CNOT6: variants seen among roughly 807,000 people sequenced by gnomAD.
CNOT6 encodes CCR4-NOT transcription complex subunit 6.
CNOT6 carries 12 observed loss-of-function variants against 61.2 expected under a neutral mutation model. The ratio of observed to expected loss-of-function variants is 0.20; its 90% CI spans 0.13 to 0.32. The LOEUF (loss-of-function observed/expected upper bound fraction) is 0.32, where lower values mean the gene tolerates loss of function less well. Among genes scored for constraint, CNOT6 ranks in the 10% least tolerant of loss-of-function variants. The pLI, the probability that CNOT6 is intolerant of heterozygous loss-of-function variation, is 1.00. For missense variants in CNOT6, 405 were observed against 663.9 expected, an observed-to-expected ratio of 0.61 and a Z score of 4.28; for synonymous variants, 225 against 240.6, an observed-to-expected ratio of 0.94 and a Z score of 0.60.
At chr5:180,564,787 C>G (rs374036162) in intron 6 of CNOT6, 44 bp downstream of exon 6, 92 of 1,359,756 alleles carry the variant, frequency 6.8e-5, no homozygotes, top group Non-Finnish European at 9.4e-5. Flanking sequence ...TGCTCAGTCT[C>G]TATAAGCCTA....
At position 180,574,622 on chromosome 5, in the gene CNOT6, A is replaced by G. The variant is rs1442638566; in HGVS notation, c.*422A>G. On this transcript the variant is annotated 3_prime_UTR_variant, in exon 12 of 12. Coordinates refer to ENST00000261951, the MANE Select transcript of CNOT6 (RefSeq NM_001370472.1). Reference sequence around the variant, plus strand: ...TCCCTCCTTTTTCAGACTTGTTTGTAAAGTACAGAATCTGAATTTAGCCTT... The same window carrying G: ...TCCCTCCTTTTTCAGACTTGTTTGTGAAGTACAGAATCTGAATTTAGCCTT... 2 of 200,270 alleles carry G rather than the reference A, an allele frequency of 1.0e-5. No homozygotes were observed. The highest frequency in any genetic ancestry group is 4.7e-5 in the African/African-American group (2 of 42,602). The allele number at this position is 200,270 out of a possible 1,614,324, so 12.4% of individuals were successfully genotyped here.
rs769326279 is a variant in CNOT6, at chr5:180,567,966, A to G, written c.990A>G (p.Val330=). The change falls in exon 9 of 12, where the codon GTA becomes GTG. Residue 330 remains valine (V), a synonymous_variant. Transcript: ENST00000261951. ...VMTKDNIGVA[V]LLELRKESIE... ...CAAAAGATAACATTGGGGTTGCAGT[A>G]CTGCTAGAACTTCGGAAGGAATCGA... 1.4e-5 allele frequency: 22 copies of G among 1,611,152 alleles called. No homozygotes were observed. The highest frequency in any genetic ancestry group is 3.3e-4 in the Middle Eastern group (2 of 6,074).
chr5:180,569,996 C>T (rs768546366), intron 10 of CNOT6, among the ~76,000 whole-genome samples: 3 of 152,124 alleles, frequency 2.0e-5, no homozygotes, highest in African/African-American at 2.4e-5. Context: ...CGTGAATGTA[C>T]GCATGAACAC....
chr5:180,533,736 T>C (rs1293721300), intron 2 of CNOT6, among the ~76,000 whole-genome samples: 2 of 152,210 alleles, frequency 1.3e-5, no homozygotes, highest in Non-Finnish European at 2.9e-5. Flanking sequence ...CTTTAACTTA[T>C]TTATTTCATT....
chr5:180,542,600 G>A (rs1194682446), intron 2 of CNOT6, among the ~76,000 whole-genome samples: 1 of 152,096 alleles, frequency 6.6e-6, no homozygotes, highest in Non-Finnish European at 1.5e-5. Flanking sequence ...CAAATGCATA[G>A]TTATTTTGAT....
At chr5:180,531,189 G>T (rs1324185904) in intron 2 of CNOT6, among the ~76,000 whole-genome samples, 1 of 136,184 alleles carries the variant, frequency 7.3e-6, no homozygotes, top group African/African-American at 2.7e-5. Flanking sequence ...GCGGCTGGCC[G>T]GGGCGGCTGC....
chr5:180,516,843 C>T (rs1192696262), intron 1 of CNOT6, among the ~76,000 whole-genome samples: 2 of 152,164 alleles, frequency 1.3e-5, no homozygotes, highest in Non-Finnish European at 2.9e-5. Flanking sequence ...TGCAGAAAAT[C>T]CCACATTCTC....
intron 4 of CNOT6, among the ~76,000 whole-genome samples, chr5:180,559,915 T>G (rs1027308729): frequency 2.0e-5 from 3 of 152,162 alleles, no homozygotes; most frequent in Non-Finnish European, 4.4e-5. Context: ...CAGAATATTT[T>G]CTTTACATAA....
At chr5:180,528,304 T>G (rs531070959) in intron 1 of CNOT6, among the ~76,000 whole-genome samples, 1 of 151,850 alleles carries the variant, frequency 6.6e-6, no homozygotes, top group African/African-American at 2.4e-5. Flanking sequence ...GATTCTTTTA[T>G]TATTTATTTA....
chr5:180,528,862 G>A (rs1758216723), intron 1 of CNOT6, among the ~76,000 whole-genome samples: 1 of 152,028 alleles, frequency 6.6e-6, no homozygotes, highest in South Asian at 2.1e-4. Context: ...TCTGCAAGAA[G>A]CTCCTAGTTT....
At chr5:180,506,396 T>C (rs889950753) in intron 1 of CNOT6, among the ~76,000 whole-genome samples, 5 of 152,236 alleles carry the variant, frequency 3.3e-5, no homozygotes, top group Admixed American at 1.3e-4. Flanking sequence ...TCTTTCTTTA[T>C]GTAAAGATTA....
chr5:180,510,169 TAA>T (rs1757325751), intron 1 of CNOT6, among the ~76,000 whole-genome samples: 1 of 109,136 alleles, frequency 9.2e-6, no homozygotes, highest in Admixed American at 1.0e-4. Flanking sequence ...TTTTTTTTTT[TAA>T]GAGATGGTGT....
Position 180,571,306 on chromosome 5 carries a change from T to C in CNOT6, c.1335T>C (p.Ser445=). The change falls in exon 11 of 12, where the codon AGT becomes AGC. Residue 445 remains serine (S), a synonymous_variant. Transcript: ENST00000261951. The part of the protein sequence containing the change: ...KDFKELRYNE[S]LTNFSCHGKN... ...TTAAGGAGTTGAGGTATAATGAAAG[T>C]CTCACAAACTTCAGCTGTCATGGGA... The C allele has an allele frequency of 6.2e-7, 1 of 1,613,994 alleles. No homozygotes were observed. The highest frequency in any genetic ancestry group is 1.1e-5 in the South Asian group (1 of 91,080).
chr5:180,498,871 C>T (rs529484065), intron 1 of CNOT6, among the ~76,000 whole-genome samples: 1 of 152,304 alleles, frequency 6.6e-6, no homozygotes, highest in African/African-American at 2.4e-5. Flanking sequence ...CCCACTGCAA[C>T]CTCCGCCTCC....
intron 3 of CNOT6, among the ~76,000 whole-genome samples, chr5:180,550,758 G>T (rs555893106): frequency 1.3e-5 from 2 of 152,230 alleles, no homozygotes; most frequent in African/African-American, 4.8e-5. Context: ...CCTTAACACA[G>T]GGTCCAGGAA....
At chr5:180,543,498 A>T (rs1424558011) in intron 2 of CNOT6, among the ~76,000 whole-genome samples, 2 of 152,246 alleles carry the variant, frequency 1.3e-5, no homozygotes, top group African/African-American at 4.8e-5. Context: ...GGAATGTTAC[A>T]TGAATGAAAC....
chr5:180,504,343 G>A (rs1757029418), intron 1 of CNOT6, among the ~76,000 whole-genome samples: 1 of 152,102 alleles, frequency 6.6e-6, no homozygotes, highest in African/African-American at 2.4e-5. Flanking sequence ...TAGTTTTAAG[G>A]GGAAAAGACT....
At chr5:180,533,089 C>T (rs1346216276) in intron 2 of CNOT6, among the ~76,000 whole-genome samples, 2 of 152,088 alleles carry the variant, frequency 1.3e-5, no homozygotes, top group African/African-American at 4.8e-5. Flanking sequence ...GGCATGTCTG[C>T]TCAGACTTTT....
intron 2 of CNOT6, among the ~76,000 whole-genome samples, chr5:180,541,800 C>T (rs1221588980): frequency 6.7e-6 from 1 of 150,260 alleles, no homozygotes; most frequent in Non-Finnish European, 1.5e-5. Context: ...GAGATGGAGT[C>T]TTGCTCTGTC....
Sources: gnomAD v4.1 joint callset for allele counts (sites outside exome capture counted in the v4.1 genomes callset) on GRCh38, gnomAD v4.1.1 for gene constraint, MANE v1.5 for transcripts, NCBI Gene and HGNC (gene_info 2026-07-23, HGNC 2026-07-21) for gene names.